Variants in PTGER3 observed in about 807,000 individuals in gnomAD.
PTGER3 encodes the protein prostaglandin E receptor 3, also known as prostaglandin E2 receptor EP3 subtype.
In PTGER3, 22 loss-of-function variants were observed where a neutral mutation model predicts 34.7. The observed-to-expected ratio is 0.63, with a 90% CI of 0.45 to 0.91. The LOEUF (loss-of-function observed/expected upper bound fraction) is 0.91, where lower values mean the gene tolerates loss of function less well. Ranked by LOEUF, PTGER3 falls within the 40% of genes least tolerant of loss-of-function variation. The pLI, the probability that PTGER3 is intolerant of heterozygous loss-of-function variation, is 0.00. For missense variants in PTGER3, 468 were observed against 519.4 expected (o/e 0.90, Z 0.96); for synonymous variants, 241 against 230.1 (o/e 1.05, Z -0.43).
At chr1:70,931,646 G>T (rs1648708189) in intron 4 of PTGER3, among the ~76,000 whole-genome samples, 1 of 152,212 alleles carries the variant, frequency 6.6e-6, no homozygotes, top group Non-Finnish European at 1.5e-5. Flanking sequence ...TGCACCAACT[G>T]AAACCATGGG....
At chr1:70,911,078 TAA>T (rs58300413) in intron 4 of PTGER3, among the ~76,000 whole-genome samples, 4,175 of 143,116 alleles carry the variant, frequency 0.029, 212 homozygotes, top group African/African-American at 0.1. Flanking sequence ...AGACTCCATT[TAA>T]AAAAAAAAAA....
chr1:70,905,953 C>A (rs548248566), intron 4 of PTGER3, among the ~76,000 whole-genome samples: 6 of 152,100 alleles, frequency 3.9e-5, no homozygotes, highest in African/African-American at 1.4e-4. Context: ...ATGGGAAGAA[C>A]CTGGTGGGAG....
intron 4 of PTGER3, among the ~76,000 whole-genome samples, chr1:70,854,460 A>C (rs1441201465): frequency 6.6e-6 from 1 of 152,148 alleles, no homozygotes; most frequent in Non-Finnish European, 1.5e-5. Context: ...GTCCCCACCC[A>C]AATCTCATGT....
intron 2 of PTGER3, chr1:71,006,646 T>C: frequency 1.0e-6 from 1 of 980,344 alleles, no homozygotes; most frequent in Non-Finnish European, 1.2e-6. Flanking sequence ...GCAACTCTCA[T>C]ATTTATATTA....
At chr1:71,034,567 A>G (rs1659667140) in intron 1 of PTGER3, among the ~76,000 whole-genome samples, 1 of 152,230 alleles carries the variant, frequency 6.6e-6, no homozygotes, top group Non-Finnish European at 1.5e-5. Flanking sequence ...TGTCAGTAAA[A>G]AATGTAACCT....
At chr1:70,936,239 G>A in intron 4 of PTGER3, among the ~76,000 whole-genome samples, 1 of 152,272 alleles carries the variant, frequency 6.6e-6, no homozygotes, top group South Asian at 2.1e-4. Flanking sequence ...AGCACTGTGT[G>A]CTTTGCCAAG....
chr1:70,951,339 G>A (rs905631316), downstream of PTGER3: 3 of 152,174 alleles, frequency 2.0e-5, no homozygotes, highest in Non-Finnish European at 4.4e-5. Flanking sequence ...ACACTTGTTT[G>A]CTGATTACAA....
At position 70,861,708 on chromosome 1, in the gene PTGER3, AAAAAC is replaced by A. The variant is rs374347809; in HGVS notation, c.*24-8854_*24-8850del. Reference sequence around the variant, plus strand: ...TCTTCATGGTTCCATTAGCAAAAAAAAAAACAAAAACTTCTCTGTATGGTATCTGC... The same window carrying A: ...TCTTCATGGTTCCATTAGCAAAAAAAAAAAACTTCTCTGTATGGTATCTGC... On this transcript the variant is annotated intron_variant, in intron 4 of 4. Transcript: ENST00000370931. 3.5e-4 allele frequency among the ~76,000 whole-genome samples: 54 copies of A among 152,288 alleles called. No homozygotes were observed. The South Asian group carries it at 8.9e-3, about 25-fold the overall frequency.
intron 4 of PTGER3, among the ~76,000 whole-genome samples, chr1:70,885,345 G>A (rs938066620): frequency 1.3e-5 from 2 of 151,876 alleles, no homozygotes; most frequent in African/African-American, 4.8e-5. Context: ...TATTCATTAA[G>A]CTTTTCTTTT....
intron 2 of PTGER3, chr1:71,006,482 G>A: frequency 1.0e-6 from 1 of 985,322 alleles, no homozygotes; most frequent in Non-Finnish European, 1.2e-6. Flanking sequence ...TATGAGCAAG[G>A]ACAATTCTTA....
chr1:70,979,882 A>G lies in PTGER3; in HGVS notation c.1078-5494T>C, dbSNP rs139724450. On this transcript the variant is annotated intron_variant, in intron 2 of 3. Transcript: ENST00000306666. ...TGTAACTTCTAGCACTGCTTCTTGA[A>G]TCTTCATCTTTTAAGGGGGTTCTGT... Among the ~76,000 whole-genome samples, 13 of 152,278 alleles carry G rather than the reference A, an allele frequency of 8.5e-5. No individual in the cohort carries two copies. The East Asian group carries it at 2.1e-3, about 25-fold the overall frequency.
intron 4 of PTGER3, among the ~76,000 whole-genome samples, chr1:70,906,230 G>A (rs140000800): frequency 1.8e-4 from 27 of 152,290 alleles, no homozygotes; most frequent in African/African-American, 5.3e-4. Flanking sequence ...CAGCGTGAAA[G>A]CAGACTAATA....
intron 2 of PTGER3, among the ~76,000 whole-genome samples, chr1:70,961,814 G>T (rs575932889): frequency 3.9e-5 from 6 of 152,186 alleles, no homozygotes; most frequent in Non-Finnish European, 7.3e-5. Flanking sequence ...ACTCTTTAGA[G>T]AACAATTAGA....
chr1:70,896,498 G>A (rs529892074), intron 4 of PTGER3, among the ~76,000 whole-genome samples: 34 of 152,318 alleles, frequency 2.2e-4, no homozygotes, highest in Admixed American at 7.2e-4. Flanking sequence ...GACCAGCCAT[G>A]CTGACTCCTT....
At chr1:70,996,209 G>GT (rs1557724366) in intron 2 of PTGER3, among the ~76,000 whole-genome samples, 2 of 151,964 alleles carry the variant, frequency 1.3e-5, no homozygotes, top group Admixed American at 6.6e-5. Flanking sequence ...TGAGTGTCTG[G>GT]TTTTTTGTGC....
In PTGER3 at chr1:70,941,889, T is replaced by A. The variant is rs185988867; in HGVS notation, c.*23+11874A>T. Among the ~76,000 whole-genome samples, 28 of 152,318 alleles carry A rather than the reference T, an allele frequency of 1.8e-4. No homozygotes were observed. In the East Asian group the frequency reaches 5.0e-3, roughly 27 times the overall value. On this transcript the variant is annotated intron_variant, in intron 4 of 4. Coordinates refer to the PTGER3 transcript ENST00000370931. ...TCTTTATAATGCTACTAGCATTACA[T>A]TTTAAAATTAAAATTTAATCACGAC...
chr1:70,979,889 TC>T (rs1654091950), intron 2 of PTGER3, among the ~76,000 whole-genome samples: 1 of 152,190 alleles, frequency 6.6e-6, no homozygotes, highest in Non-Finnish European at 1.5e-5. Flanking sequence ...TGAATCTTCA[TC>T]TTTTAAGGGG....
intron 2 of PTGER3, among the ~76,000 whole-genome samples, chr1:70,956,248 A>T (rs1651320548): frequency 6.6e-6 from 1 of 152,186 alleles, no homozygotes; most frequent in African/African-American, 2.4e-5. Flanking sequence ...GAACCATTTT[A>T]AGAAAATGAT....
At chr1:70,983,267 A>T (rs574247213) in intron 2 of PTGER3, among the ~76,000 whole-genome samples, 1 of 134,490 alleles carries the variant, frequency 7.4e-6, no homozygotes, top group Non-Finnish European at 1.6e-5. Context: ...GATGTGCTTG[A>T]GTTTTTTAAT....
Sources: allele counts gnomAD v4.1 joint callset (sites outside exome capture counted in the v4.1 genomes callset), GRCh38; gene constraint gnomAD v4.1.1; transcripts MANE v1.5; gene names NCBI Gene and HGNC (gene_info 2026-07-23, HGNC 2026-07-21).